Variants in KALRN observed in about 807,000 individuals in gnomAD.
KALRN encodes the protein kalirin.
KALRN carries 70 observed loss-of-function variants against 353.7 expected under a neutral mutation model. That is an observed-to-expected ratio of 0.20 (90% CI 0.16 to 0.24). The LOEUF is 0.24. Ranked by LOEUF, KALRN falls within the 10% of genes least tolerant of loss-of-function variation. The pLI is 1.00. For missense variants in KALRN, 2,791 were observed against 3,756.7 expected, an observed-to-expected ratio of 0.74 and a Z score of 6.72; for synonymous variants, 1,391 against 1,434.8, an observed-to-expected ratio of 0.97 and a Z score of 0.69.
At chr3:124,273,643 A>G (rs2074394201) in intron 5 of KALRN, among the ~76,000 whole-genome samples, 1 of 152,208 alleles carries the variant, frequency 6.6e-6, no homozygotes, top group South Asian at 2.1e-4. Context: ...CTTTCTGTGC[A>G]TGCTGTACTG....
At chr3:124,058,124 G>A (rs574747695) in intron 1 of KALRN, among the ~76,000 whole-genome samples, 11 of 152,250 alleles carry the variant, frequency 7.2e-5, no homozygotes, top group Non-Finnish European at 1.5e-4. Flanking sequence ...GCCCAGGAAA[G>A]ACCTGCCCCC....
At chr3:124,372,574 C>T (rs1450096533) in intron 10 of KALRN, among the ~76,000 whole-genome samples, 1 of 151,510 alleles carries the variant, frequency 6.6e-6, no homozygotes, top group African/African-American at 2.4e-5. Context: ...TTTATTCTGA[C>T]TTCTTCATTT....
At position 124,448,807 on chromosome 3, in the gene KALRN, C is replaced by T. The variant is rs116588430; in HGVS notation, c.3552+1922C>T. Among the ~76,000 whole-genome samples, 219 of 152,298 alleles carry T rather than the reference C, an allele frequency of 1.4e-3. 1 individual carries two copies. Among genetic ancestry groups the T allele is most frequent in the African/African-American group, 5.1e-3 (213 of 41,560 alleles). On this transcript the variant is annotated intron_variant, in intron 21 of 59. Transcript: ENST00000682506. ...AGGATACTTAAAGACAAGAACCACA[C>T]TATTCATTTTGAGTTCCCTAGGTTA...
intron 16 of KALRN, among the ~76,000 whole-genome samples, chr3:124,433,917 G>C (rs2093376065): frequency 6.6e-6 from 1 of 152,190 alleles, no homozygotes. Flanking sequence ...TGGGACTGCA[G>C]TAGTAACCTC....
At chr3:124,298,724 T>C in intron 5 of KALRN, 67 bp from the exon 6 acceptor site, 26 of 1,582,568 alleles carry the variant, frequency 1.6e-5, no homozygotes, top group Non-Finnish European at 2.2e-5. Flanking sequence ...TTCCACTAGC[T>C]CTGAAAGTTT....
intron 19 of KALRN, among the ~76,000 whole-genome samples, chr3:124,445,292 T>C (rs779374616): frequency 6.6e-6 from 1 of 152,222 alleles, no homozygotes; most frequent in African/African-American, 2.4e-5. Context: ...ATTGTATATT[T>C]TGTTAATATC....
intron 1 of KALRN, chr3:124,163,650 A>G (rs1423344068): frequency 1.0e-6 from 1 of 984,616 alleles, no homozygotes; most frequent in Non-Finnish European, 1.2e-6. Flanking sequence ...AAGAAAGGCT[A>G]TAAAGGTAGA....
intron 51 of KALRN, among the ~76,000 whole-genome samples, chr3:124,693,312 G>T (rs543584822): frequency 1.8e-4 from 27 of 152,278 alleles, no homozygotes; most frequent in Non-Finnish European, 3.5e-4. Flanking sequence ...TGAGTAAAGG[G>T]TAAAGGGAGG....
At chr3:124,322,438 A>T (rs1338719116) in intron 6 of KALRN, among the ~76,000 whole-genome samples, 1 of 152,182 alleles carries the variant, frequency 6.6e-6, no homozygotes, top group Non-Finnish European at 1.5e-5. Flanking sequence ...CCCTTGACTA[A>T]TGGGCAGCTC....
Position 124,697,618 on chromosome 3 carries a change from C to T in KALRN, c.7725C>T (p.Pro2575=), listed in dbSNP as rs1441539117. ...VQGVPAAPNR[P]IAQERSCTSV... ...GTGTTCCAGCAGCCCCTAACCGCCCCATTGCCCAGGAGAGAAGCTGCACCT... is the reference window on the plus strand; with the variant it reads ...GTGTTCCAGCAGCCCCTAACCGCCCTATTGCCCAGGAGAGAAGCTGCACCT... The change falls in exon 55 of 60, where the codon CCC becomes CCT. Residue 2575 remains proline (P), a synonymous_variant. Transcript: ENST00000682506. 6.2e-7 allele frequency: 1 copy of T among 1,611,560 alleles called. No individual in the cohort carries two copies. Among genetic ancestry groups the T allele is most frequent in the East Asian group, 2.2e-5 (1 of 44,808 alleles).
intron 1 of KALRN, among the ~76,000 whole-genome samples, chr3:124,125,357 T>C (rs2064524076): frequency 6.6e-6 from 1 of 152,220 alleles, no homozygotes; most frequent in Non-Finnish European, 1.5e-5. Context: ...TAGTTTCTAA[T>C]CATGAGAACA....
At chr3:124,089,777 G>A (rs1306713748) in intron 1 of KALRN, among the ~76,000 whole-genome samples, 3 of 151,922 alleles carry the variant, frequency 2.0e-5, no homozygotes, top group Non-Finnish European at 4.4e-5. Context: ...TTCTGTGATT[G>A]ACTTCATCAG....
chr3:124,327,371 T>C (rs1310266322), intron 7 of KALRN, among the ~76,000 whole-genome samples: 1 of 152,186 alleles, frequency 6.6e-6, no homozygotes, highest in Non-Finnish European at 1.5e-5. Flanking sequence ...TCTCACTCCT[T>C]AACATAGTGA....
intron 17 of KALRN, among the ~76,000 whole-genome samples, 192 bp from the exon 18 acceptor site, chr3:124,438,696 T>TCTC (rs988631801): frequency 2.6e-5 from 4 of 152,106 alleles, no homozygotes; most frequent in Admixed American, 2.0e-4. Flanking sequence ...AAAATCTGTA[T>TCTC]CTCCAGTCAT....
intron 33 of KALRN, among the ~76,000 whole-genome samples, chr3:124,522,132 AGTACATCATTTTC>A (rs1171333206): frequency 1.1e-4 from 16 of 152,106 alleles, no homozygotes; most frequent in Admixed American, 6.6e-5. Flanking sequence ...TGATGTACTC[AGTACATCATTTTC>A]TTTATTTAGT....
chr3:124,496,671 G>A (rs2063885498), intron 33 of KALRN, among the ~76,000 whole-genome samples: 1 of 152,170 alleles, frequency 6.6e-6, no homozygotes, highest in Admixed American at 6.5e-5. Context: ...TGGGAAGGCT[G>A]AGCAGTGAGG....
At chr3:124,208,322 G>C (rs1056825057) in intron 1 of KALRN, among the ~76,000 whole-genome samples, 2 of 152,216 alleles carry the variant, frequency 1.3e-5, no homozygotes, top group African/African-American at 4.8e-5. Context: ...TTCAAATGCT[G>C]TAAGTCTGGA....
intron 1 of KALRN, among the ~76,000 whole-genome samples, chr3:124,137,535 C>G (rs562163152): frequency 2.0e-3 from 306 of 152,246 alleles, no homozygotes; most frequent in Non-Finnish European, 3.7e-3. Context: ...ATGAATGCCA[C>G]CTTGTCCTTG....
At chr3:124,233,834 C>T (rs1026997157) in intron 2 of KALRN, among the ~76,000 whole-genome samples, 1 of 152,118 alleles carries the variant, frequency 6.6e-6, no homozygotes, top group African/African-American at 2.4e-5. Flanking sequence ...TGAGATGTGG[C>T]GTGAAGAGTC....
Sources: gnomAD v4.1 joint callset for allele counts (sites outside exome capture counted in the v4.1 genomes callset) on GRCh38, gnomAD v4.1.1 for gene constraint, MANE v1.5 for transcripts, NCBI Gene and HGNC (gene_info 2026-07-23, HGNC 2026-07-21) for gene names.